The following SBF2 variants were observed in gnomAD, a reference collection of about 807,000 sequenced individuals.
SBF2 encodes SET binding factor 2, also known as myotubularin-related protein 13.
SBF2 carries 112 observed loss-of-function variants against 225.2 expected under a neutral mutation model. That is an observed-to-expected ratio of 0.50 (90% confidence interval 0.43 to 0.58). SBF2 has a LOEUF of 0.58. Ranked by LOEUF, SBF2 falls within the 20% of genes least tolerant of loss-of-function variation. The pLI is 0.00. For synonymous variants in SBF2, 763 were observed against 773.3 expected (o/e 0.99, Z 0.22); for missense variants, 1,996 against 2,206.2 (o/e 0.90, Z 1.91).
chr11:10,174,770 G>A (rs1362257612), intron 2 of SBF2, among the ~76,000 whole-genome samples: 2 of 152,056 alleles, frequency 1.3e-5, no homozygotes, highest in Non-Finnish European at 2.9e-5. Flanking sequence ...AGAAAGGTCC[G>A]GTTACCCACA....
Position 10,172,359 on chromosome 11 carries a change from AT to A in SBF2, c.141+21542del, listed in dbSNP as rs555620934. On this transcript the variant is annotated intron_variant, in intron 2 of 39. Coordinates refer to ENST00000256190, the MANE Select transcript of SBF2 (RefSeq NM_030962.4). ...TCATTATTGTTTGTTTCAAAAAAAA[AT>A]TTTTTTTTTTGAGAAGGAGTCTTGC... 3.7e-3 allele frequency among the ~76,000 whole-genome samples: 552 copies of A among 148,768 alleles called. 2 individuals carry two copies. Among genetic ancestry groups the A allele is most frequent in the Non-Finnish European group, 4.9e-3 (327 of 66,842 alleles).
chr11:9,920,159 A>C (rs1473596669), intron 16 of SBF2, among the ~76,000 whole-genome samples: 1 of 151,630 alleles, frequency 6.6e-6, no homozygotes, highest in Non-Finnish European at 1.5e-5. Context: ...ATAACTCATA[A>C]GGCTCAAAAC....
At chr11:10,123,359 C>T (rs1953572338) in intron 2 of SBF2, among the ~76,000 whole-genome samples, 1 of 152,114 alleles carries the variant, frequency 6.6e-6, no homozygotes, top group African/African-American at 2.4e-5. Flanking sequence ...CTTTGAGGTA[C>T]TGTATACTCT....
chr11:10,027,903 T>G (rs1200832745), intron 6 of SBF2, among the ~76,000 whole-genome samples: 1 of 152,148 alleles, frequency 6.6e-6, no homozygotes, highest in African/African-American at 2.4e-5. Context: ...ATGCAAAATA[T>G]ATCATCTATT....
intron 32 of SBF2, among the ~76,000 whole-genome samples, chr11:9,805,704 C>A (rs377087593): frequency 1.3e-5 from 2 of 152,114 alleles, no homozygotes; most frequent in African/African-American, 4.8e-5. Context: ...CTCAATGCAA[C>A]CTCCGCCTCC....
At chr11:10,142,952 G>A (rs1434093805) in intron 2 of SBF2, among the ~76,000 whole-genome samples, 4 of 152,170 alleles carry the variant, frequency 2.6e-5, no homozygotes, top group Admixed American at 2.6e-4. Flanking sequence ...ATATGTAATT[G>A]ACACACTCTT....
At chr11:10,251,130 C>A (rs368825367) in intron 1 of SBF2, among the ~76,000 whole-genome samples, 1 of 152,194 alleles carries the variant, frequency 6.6e-6, no homozygotes, top group African/African-American at 2.4e-5. Flanking sequence ...CATGAATAAC[C>A]TTATACTTTG....
chr11:10,083,400 A>C (rs752315739), intron 2 of SBF2, among the ~76,000 whole-genome samples: 2 of 152,200 alleles, frequency 1.3e-5, no homozygotes, highest in Non-Finnish European at 2.9e-5. Context: ...ATTCACATGG[A>C]ATCAAGGGAG....
chr11:10,243,920 A>G (rs943657281), intron 1 of SBF2, among the ~76,000 whole-genome samples: 1 of 152,210 alleles, frequency 6.6e-6, no homozygotes, highest in Non-Finnish European at 1.5e-5. Flanking sequence ...AAATGAAAAC[A>G]AGGAAATTTG....
intron 2 of SBF2, among the ~76,000 whole-genome samples, chr11:10,146,424 T>C (rs1240424564): frequency 6.6e-6 from 1 of 151,806 alleles, no homozygotes; most frequent in Non-Finnish European, 1.5e-5. Context: ...GCTGCATAAC[T>C]ACAATCATCC....
At chr11:10,024,235 T>C (rs1322829261) in intron 6 of SBF2, among the ~76,000 whole-genome samples, 1 of 152,184 alleles carries the variant, frequency 6.6e-6, no homozygotes, top group East Asian at 1.9e-4. Context: ...CAATTATCCT[T>C]TACCACTGGT....
chr11:9,910,261 A>G (rs1296706728), intron 16 of SBF2, among the ~76,000 whole-genome samples: 1 of 152,212 alleles, frequency 6.6e-6, no homozygotes, highest in African/African-American at 2.4e-5. Flanking sequence ...CCATTGTAAC[A>G]TCCAAGAGAG....
At chr11:9,946,044 A>G (rs1372342636) in intron 16 of SBF2, among the ~76,000 whole-genome samples, 1 of 152,218 alleles carries the variant, frequency 6.6e-6, no homozygotes, top group Non-Finnish European at 1.5e-5. Context: ...AAGAACTTAA[A>G]ACAGAACCAC....
At chr11:10,084,967 T>A (rs891043351) in intron 2 of SBF2, among the ~76,000 whole-genome samples, 2 of 151,984 alleles carry the variant, frequency 1.3e-5, no homozygotes, top group Admixed American at 6.6e-5. Flanking sequence ...TGGTAAAAAA[T>A]TTGTTAATGG....
At chr11:10,276,328 A>G (rs1962958078) in intron 1 of SBF2, among the ~76,000 whole-genome samples, 2 of 152,226 alleles carry the variant, frequency 1.3e-5, no homozygotes, top group African/African-American at 4.8e-5. Flanking sequence ...CTGCCAAAAT[A>G]TCAAGAATTT....
intron 26 of SBF2, among the ~76,000 whole-genome samples, chr11:9,837,160 G>A (rs1177124290): frequency 6.6e-6 from 1 of 152,120 alleles, no homozygotes; most frequent in African/African-American, 2.4e-5. Context: ...TCCTTGTCAG[G>A]ATTTCAGAGA....
rs750985574 is a variant in SBF2 at position 10,002,702 on chromosome 11, G to C, written c.620-13C>G. The stretch of plus-strand genomic sequence containing the variant: ...ACATTTTGAATTCCTGAAAACATAA[G>C]AGCAAGGACTTACAAATGCATTTAA... On this transcript the variant is annotated splice_polypyrimidine_tract_variant and intron_variant, in intron 6 of 39. Coordinates refer to ENST00000256190, the MANE Select transcript of SBF2 (RefSeq NM_030962.4). The C allele has an allele frequency of 3.7e-6, 6 of 1,611,920 alleles. No homozygotes were observed. The highest frequency in any genetic ancestry group is 2.2e-5 in the East Asian group (1 of 44,784).
intron 34 of SBF2, 90 bp from the exon 35 acceptor site, chr11:9,789,432 A>G: frequency 1.2e-6 from 1 of 859,394 alleles, no homozygotes; most frequent in Non-Finnish European, 2.0e-6. Context: ...TATAGAGTCC[A>G]GGGGAGGAAG....
At chr11:10,163,635 T>A (rs931024434) in intron 2 of SBF2, among the ~76,000 whole-genome samples, 29 of 152,146 alleles carry the variant, frequency 1.9e-4, no homozygotes, top group African/African-American at 7.0e-4. Context: ...CACTTTAAAG[T>A]AAACTAAAAG....
Sources: allele counts gnomAD v4.1 joint callset (sites outside exome capture counted in the v4.1 genomes callset), GRCh38; gene constraint gnomAD v4.1.1; transcripts MANE v1.5; gene names NCBI Gene and HGNC (gene_info 2026-07-23, HGNC 2026-07-21).